The following SYTL2 variants were observed in gnomAD, a reference collection of about 807,000 sequenced individuals.
SYTL2 encodes synaptotagmin-like protein 2.
SYTL2 carries 165 observed loss-of-function variants against 198.7 expected under a neutral mutation model. The observed-to-expected ratio is 0.83, with a 90% CI of 0.73 to 0.94. The LOEUF (loss-of-function observed/expected upper bound fraction) is 0.94, where lower values mean the gene tolerates loss of function less well. Ranked by LOEUF, SYTL2 falls within the 40% of genes least tolerant of loss-of-function variation. The pLI is 0.00. For synonymous variants in SYTL2, 966 were observed against 917.7 expected (o/e 1.05, Z -0.95); for missense variants, 2,835 against 2,582.8 (o/e 1.10, Z -2.12).
chr11:85,834,800 C>T, the SYTL2 span, among the ~76,000 whole-genome samples: 1 of 150,772 alleles, frequency 6.6e-6, no homozygotes, highest in Non-Finnish European at 1.5e-5. Context: ...CTTTCTCTGT[C>T]ACCCAGGTTG....
chr11:85,803,660 T>G (rs938391605), intron 1 of SYTL2, among the ~76,000 whole-genome samples: 1 of 152,228 alleles, frequency 6.6e-6, no homozygotes, highest in Non-Finnish European at 1.5e-5. Context: ...AGCATGAATA[T>G]AACATCTTTC....
Position 85,725,170 on chromosome 11 carries a change from C to T in SYTL2, c.4188G>A (p.Val1396=), listed in dbSNP as rs759590956. The change falls in exon 8 of 20, where the codon GTG becomes GTA. Residue 1396 remains valine (V), a synonymous_variant. Coordinates refer to ENST00000359152, the MANE Select transcript of SYTL2 (RefSeq NM_206927.4). ...PAGREVGPGE[V]NPEFPEAVQP... ...GTACTGCTTCAGGAAATTCTGGGTT[C>T]ACTTCTCCAGGACCTACTTCCCTTC... 4.3e-6 allele frequency: 7 copies of T among 1,613,928 alleles called. No individual in the cohort carries two copies. Among genetic ancestry groups the T allele is most frequent in the Non-Finnish European group, 5.9e-6 (7 of 1,179,970 alleles).
intron 1 of SYTL2, among the ~76,000 whole-genome samples, chr11:85,797,614 G>A (rs1470631881): frequency 8.8e-5 from 13 of 148,026 alleles, no homozygotes; most frequent in South Asian, 8.6e-4. Flanking sequence ...GAGACAGAGC[G>A]AGACTCCTTC....
At chr11:85,707,317 C>T (rs2153408018) in intron 15 of SYTL2, 112 bp downstream of exon 15, 3 of 704,472 alleles carry the variant, frequency 4.3e-6, no homozygotes, top group Non-Finnish European at 7.4e-6. Flanking sequence ...TTTGTATTCC[C>T]TTCCTTCTCC....
intron 1 of SYTL2, among the ~76,000 whole-genome samples, chr11:85,805,642 C>T (rs2092949363): frequency 6.6e-6 from 1 of 152,216 alleles, no homozygotes; most frequent in African/African-American, 2.4e-5. Flanking sequence ...CAAAACACAT[C>T]TGTCTAATCA....
chr11:85,741,494 C>A (rs2090782347), intron 4 of SYTL2, among the ~76,000 whole-genome samples: 1 of 152,138 alleles, frequency 6.6e-6, no homozygotes, highest in Non-Finnish European at 1.5e-5. Context: ...ATGAGTAAAT[C>A]TGAGCTCTTA....
the SYTL2 span, among the ~76,000 whole-genome samples, chr11:85,825,688 C>A: frequency 6.6e-6 from 1 of 152,060 alleles, no homozygotes; most frequent in Non-Finnish European, 1.5e-5. Context: ...TTGGGCAGCA[C>A]AAAAATATCA....
At chr11:85,824,715 A>G in the SYTL2 span, among the ~76,000 whole-genome samples, 1 of 152,222 alleles carries the variant, frequency 6.6e-6, no homozygotes, top group African/African-American at 2.4e-5. Context: ...AATAGAAAGT[A>G]AGCTCCTTGC....
intron 7 of SYTL2, chr11:85,733,668 C>T (rs1397575534): frequency 1.4e-5 from 3 of 221,284 alleles, no homozygotes; most frequent in Non-Finnish European, 2.5e-5. Context: ...GGCGCAATCT[C>T]GGCTCACTGC....
Position 85,725,004 on chromosome 11 carries a change from C to G in SYTL2, c.4354G>C (p.Ala1452Pro). The stretch of plus-strand genomic sequence containing the variant: ...GTCTGGTCTGATGGAGACATTTGGG[C>G]AGCTAAATAAGATCCAACTTCATGA... ...KTHEVGSYLA[A>P]QMSPSDQTLS... The change falls in exon 8 of 20, where the codon GCC becomes CCC. Residue 1452 changes from alanine (A) to proline (P), a missense_variant. Transcript: ENST00000359152. 1 of 1,613,930 alleles carries G rather than the reference C, an allele frequency of 6.2e-7. No individual in the cohort carries two copies. Among genetic ancestry groups the G allele is most frequent in the Non-Finnish European group, 8.5e-7 (1 of 1,179,922 alleles).
the SYTL2 span, among the ~76,000 whole-genome samples, chr11:85,825,777 C>T: frequency 6.6e-6 from 1 of 152,222 alleles, no homozygotes; most frequent in Non-Finnish European, 1.5e-5. Flanking sequence ...TCCAGGCTGT[C>T]ATTTCCCGTT....
chr11:85,747,596 C>T (rs929999861), intron 3 of SYTL2, among the ~76,000 whole-genome samples: 1 of 152,092 alleles, frequency 6.6e-6, no homozygotes, highest in African/African-American at 2.4e-5. Flanking sequence ...ACAGGCATGA[C>T]AGGCAATAAG....
chr11:85,796,868 T>C (rs1056684408), intron 1 of SYTL2, among the ~76,000 whole-genome samples: 2 of 152,236 alleles, frequency 1.3e-5, no homozygotes, highest in Non-Finnish European at 2.9e-5. Context: ...AGAGACTTTA[T>C]AGTTCTTATA....
In SYTL2 at chr11:85,741,117, C is replaced by T. The variant is rs368528420; in HGVS notation, c.390-3461G>A. 8.0e-5 allele frequency among the ~76,000 whole-genome samples: 12 copies of T among 149,786 alleles called. No individual in the cohort carries two copies. In the South Asian group the frequency reaches 2.3e-3, roughly 29 times the overall value. ...TAAATGTTGTTTATAGAACCAAATTCTACAAGTGTTGTTGACTTGTTTTTT... is the reference window on the plus strand; with the variant it reads ...TAAATGTTGTTTATAGAACCAAATTTTACAAGTGTTGTTGACTTGTTTTTT... On this transcript the variant is annotated intron_variant, in intron 4 of 19. Transcript: ENST00000359152.
At position 85,727,189 on chromosome 11, in the gene SYTL2, T is replaced by A. The variant is rs113970010; in HGVS notation, c.2169A>T (p.Pro723=). Reference sequence around the variant, plus strand: ...CTGCATTCATGTTATCTTTCAAACCTGGTTCTTTGACAACTGTTGAAGAGT... The same window carrying A: ...CTGCATTCATGTTATCTTTCAAACCAGGTTCTTTGACAACTGTTGAAGAGT... ...NFDSSTVVKE[P]GLKDNMNAER... is the part of the protein sequence containing the mutation. Residue 723 remains proline (P), a synonymous_variant, in exon 8 of 20, where the codon CCA becomes CCT. Coordinates refer to ENST00000359152, the MANE Select transcript of SYTL2 (RefSeq NM_206927.4). 8 of 1,536,546 alleles carry A rather than the reference T, an allele frequency of 5.2e-6. No individual in the cohort carries two copies. Among genetic ancestry groups the A allele is most frequent in the Non-Finnish European group, 8.7e-7 (1 of 1,146,976 alleles).
At chr11:85,784,853 G>T (rs773681610) in intron 1 of SYTL2, among the ~76,000 whole-genome samples, 2 of 151,924 alleles carry the variant, frequency 1.3e-5, no homozygotes, top group Non-Finnish European at 2.9e-5. Context: ...AGCTGGTAAG[G>T]GGTAAAGAAA....
chr11:85,695,357 T>A lies in SYTL2; in HGVS notation c.6575-17A>T. ...AACTTTTACCTGAAAAAAGGAAGCT[T>A]TGCATTTAGAAAGAAACAGCTCATT... is the stretch of plus-strand genomic sequence containing the variant. On this transcript the variant is annotated splice_polypyrimidine_tract_variant and intron_variant, in intron 19 of 19. Coordinates refer to ENST00000359152, the MANE Select transcript of SYTL2 (RefSeq NM_206927.4). 6.5e-7 allele frequency: 1 copy of A among 1,540,560 alleles called. No individual in the cohort carries two copies. Among genetic ancestry groups the A allele is most frequent in the Non-Finnish European group, 8.8e-7 (1 of 1,140,624 alleles).
the SYTL2 span, among the ~76,000 whole-genome samples, chr11:85,843,535 G>C: frequency 6.6e-6 from 1 of 152,140 alleles, no homozygotes; most frequent in Non-Finnish European, 1.5e-5. Context: ...TGGTGCGACT[G>C]TGAGCCATCT....
At chr11:85,769,236 T>C (rs1450435746) in intron 1 of SYTL2, among the ~76,000 whole-genome samples, 3 of 152,180 alleles carry the variant, frequency 2.0e-5, no homozygotes, top group African/African-American at 2.4e-5. Flanking sequence ...TTTGTAGATA[T>C]CATTGTTAAG....
Sources: allele counts gnomAD v4.1 joint callset (sites outside exome capture counted in the v4.1 genomes callset), GRCh38; gene constraint gnomAD v4.1.1; transcripts MANE v1.5; gene names NCBI Gene and HGNC (gene_info 2026-07-23, HGNC 2026-07-21).